Variants in SHOX observed in about 807,000 individuals in gnomAD.
SHOX encodes SHOX homeobox, also known as short stature homeobox protein.
SHOX carries 12 observed loss-of-function variants against 29.6 expected under a neutral mutation model. The observed-to-expected ratio is 0.41, with a 90% confidence interval of 0.26 to 0.66. The LOEUF is 0.66. SHOX is among the 30% of genes least tolerant of loss of function. The pLI is 0.35. For synonymous variants in SHOX, 214 were observed against 200.6 expected, an observed-to-expected ratio of 1.07 and a Z score of -0.57; for missense variants, 499 against 437.7, an observed-to-expected ratio of 1.14 and a Z score of -1.25.
intron 1 of SHOX, among the ~76,000 whole-genome samples, chrX:633,527 A>C (rs1215918865): frequency 6.6e-6 from 1 of 152,128 alleles, no homozygotes; most frequent in African/African-American, 2.4e-5. Flanking sequence ...GAAGAAAGAC[A>C]GAACAGGGTG....
At chrX:625,885 TCTC>T (rs2052522846), upstream of SHOX, among the ~76,000 whole-genome samples, 5 of 133,138 alleles carry the variant, frequency 3.8e-5, no homozygotes, top group Admixed American at 3.2e-4. Flanking sequence ...TCTTTCTCTC[TCTC>T]CTCTCTCTCT....
downstream of SHOX, among the ~76,000 whole-genome samples, chrX:652,646 T>C (rs756135391): frequency 1.3e-5 from 2 of 152,232 alleles, no homozygotes; most frequent in African/African-American, 4.8e-5. Context: ...TGCTGACTCC[T>C]GGTAGTTCCT....
At chrX:652,621 A>G (rs1051749958), downstream of SHOX, among the ~76,000 whole-genome samples, 6 of 151,996 alleles carry the variant, frequency 3.9e-5, no homozygotes, top group Non-Finnish European at 7.4e-5. Context: ...CGTTGTCTGT[A>G]CCGTCCGTTC....
exon 1 of SHOX, chrX:624,358 C>G (rs2052460224): frequency 6.7e-6 from 1 of 149,042 alleles, no homozygotes; most frequent in African/African-American, 2.5e-5. Context: ...TGCTTTTGCC[C>G]GGGTCCTGAG....
At chrX:635,212 C>T (rs1455225204) in intron 2 of SHOX, among the ~76,000 whole-genome samples, 4 of 152,172 alleles carry the variant, frequency 2.6e-5, no homozygotes, top group Admixed American at 1.3e-4. Flanking sequence ...GTTATAGGGG[C>T]AACACATGCA....
At position 634,737 on chromosome X, in the gene SHOX, G is replaced by A. The variant is rs767349016; in HGVS notation, c.397G>A (p.Glu133Lys). 1 of 1,613,034 alleles carries A rather than the reference G, an allele frequency of 6.2e-7. No individual in the cohort carries two copies. Among genetic ancestry groups the A allele is most frequent in the Admixed American group, 1.7e-5 (1 of 59,874 alleles). The change falls in exon 2 of 5, where the codon GAG (glutamate) becomes AAG (lysine). Residue 133 changes from glutamate (E) to lysine (K), a missense_variant. Glu to Lys is a moderately conservative substitution (Grantham distance 56). Transcript: ENST00000686671. The part of the protein sequence containing the change: ...NFTLEQLNEL[E>K]RLFDETHYPD... ...CACGCTGGAGCAGCTGAACGAGCTC[G>A]AGCGACTCTTCGACGAGACCCATTA...
chrX:625,384 G>A (rs939030485), intron 1 of SHOX, among the ~76,000 whole-genome samples: 3 of 151,886 alleles, frequency 2.0e-5, no homozygotes, highest in Non-Finnish European at 2.9e-5. Context: ...ATTTCATACA[G>A]GGAGGCGGTC....
At chrX:634,964 G>C in intron 2 of SHOX, 138 bp downstream of exon 2, 1 of 890,074 alleles carries the variant, frequency 1.1e-6, no homozygotes, top group Non-Finnish European at 1.7e-6. Flanking sequence ...TGAGGGACGG[G>C]CTGGGGTTCC....
At position 646,793 on chromosome X, in the gene SHOX, A is replaced by AT. The variant is rs201606123; in HGVS notation, c.*2159dup. On this transcript the variant is annotated 3_prime_UTR_variant, in exon 5 of 5. Transcript: ENST00000686671. Reference sequence around the variant, plus strand: ...CATCCATTTTTCTTAAAAGCTGGAAATTAAAAAAAAAAAAGAGAGAGAGAG... The same window carrying AT: ...CATCCATTTTTCTTAAAAGCTGGAAATTTAAAAAAAAAAAAGAGAGAGAGAG... 0.011 allele frequency: 1,695 copies of AT among 151,954 alleles called. 17 individuals are homozygous for AT. The highest frequency in any genetic ancestry group is 0.045 in the East Asian group (232 of 5,160). 9.4% of individuals were successfully genotyped at this position (151,954 alleles called of 1,614,324 possible). A position where few individuals can be genotyped will look rare whatever the true frequency, so the allele number is the denominator to read the frequency against.
upstream of SHOX, chrX:630,781 A>G (rs1036112984): frequency 2.3e-5 from 30 of 1,285,634 alleles, no homozygotes; most frequent in Non-Finnish European, 3.3e-5. Context: ...GAGATTTCCA[A>G]TGGAAAGGCG....
chrX:625,345 T>C (rs973642771), intron 1 of SHOX, among the ~76,000 whole-genome samples: 2 of 151,240 alleles, frequency 1.3e-5, no homozygotes, highest in Non-Finnish European at 2.9e-5. Flanking sequence ...CTCTGAAACC[T>C]GATTCTTTTG....
intron 5 of SHOX, among the ~76,000 whole-genome samples, chrX:657,020 T>A (rs867125708): frequency 6.4e-4 from 24 of 37,274 alleles, no homozygotes; most frequent in Admixed American, 1.1e-3. Context: ...AAAAAAAAAA[T>A]GCTGCCCAAG....
At chrX:626,442 T>A (rs1431937784), upstream of SHOX, among the ~76,000 whole-genome samples, 1 of 80,166 alleles carries the variant, frequency 1.2e-5, no homozygotes, top group Non-Finnish European at 3.3e-5. Flanking sequence ...CCTCTCTCTC[T>A]TTTTCTCTTT....
At chrX:656,885 C>T (rs2053155292) in intron 5 of SHOX, among the ~76,000 whole-genome samples, 1 of 137,904 alleles carries the variant, frequency 7.3e-6, no homozygotes, top group South Asian at 2.5e-4. Context: ...GTGTTTGCAC[C>T]ACTGCCCTCC....
intron 1 of SHOX, 55 bp from the exon 2 acceptor site, chrX:634,563 C>T: frequency 6.3e-7 from 1 of 1,592,590 alleles, no homozygotes; most frequent in Non-Finnish European, 8.6e-7. Flanking sequence ...AGGGGTTCGC[C>T]ACGTTGCGCA....
intron 1 of SHOX, among the ~76,000 whole-genome samples, chrX:624,862 T>TTTCCTTTCTTTCTTTTCTTTCTTTC (rs1556451588): frequency 1.0e-4 from 8 of 76,808 alleles, no homozygotes; most frequent in African/African-American, 4.0e-4. Context: ...TCTTTCTTTC[T>TTTCCTTTCTTTCTTTTCTTTCTTTC]TTTCTTTCTT....
chrX:658,130 ACGCC>A (rs1190381312), intron 5 of SHOX, among the ~76,000 whole-genome samples: 3 of 151,884 alleles, frequency 2.0e-5, no homozygotes, highest in Non-Finnish European at 4.4e-5. Context: ...GTGCACCACC[ACGCC>A]TGGCTAATGT....
At position 651,337 on chromosome X, in the gene SHOX, A is replaced by G; in HGVS notation, c.*6701A>G. 2.2e-6 allele frequency: 1 copy of G among 455,834 alleles called. No individual in the cohort carries two copies. Among genetic ancestry groups the G allele is most frequent in the Non-Finnish European group, 4.4e-6 (1 of 226,760 alleles). 28.2% of individuals were successfully genotyped at this position (455,834 alleles called of 1,614,324 possible). On this transcript the variant is annotated 3_prime_UTR_variant, in exon 5 of 5. Coordinates refer to ENST00000686671, the MANE Select transcript of SHOX (RefSeq NM_000451.4). ...AAATCACACACCGTTTCCCAAACCAACAGTCTTCACATTTCTATCCCTCTG... is the reference window on the plus strand; with the variant it reads ...AAATCACACACCGTTTCCCAAACCAGCAGTCTTCACATTTCTATCCCTCTG...
At chrX:657,541 G>T (rs1413682114) in intron 5 of SHOX, among the ~76,000 whole-genome samples, 2 of 152,076 alleles carry the variant, frequency 1.3e-5, no homozygotes, top group Non-Finnish European at 2.9e-5. Flanking sequence ...CCTGCACAAA[G>T]AACCTGCTCC....
Sources: gnomAD v4.1 joint callset for allele counts (sites outside exome capture counted in the v4.1 genomes callset) on GRCh38, gnomAD v4.1.1 for gene constraint, MANE v1.5 for transcripts, NCBI Gene and HGNC (gene_info 2026-07-23, HGNC 2026-07-21) for gene names.